The following PPP1R1C variants were observed in gnomAD, a reference collection of about 807,000 sequenced individuals.
The protein encoded by PPP1R1C is protein phosphatase 1 regulatory subunit 1C.
Under a neutral mutation model 17.4 loss-of-function variants are expected in PPP1R1C, and 15 were observed. That is an observed-to-expected ratio of 0.86 (90% CI 0.58 to 1.33). The LOEUF (loss-of-function observed/expected upper bound fraction) is 1.33, where lower values mean the gene tolerates loss of function less well. Ranked by LOEUF, PPP1R1C falls within the 40% of genes most tolerant of loss-of-function variation. PPP1R1C has a pLI of 0.00. For synonymous variants in PPP1R1C, 35 were observed against 43.1 expected (o/e 0.81, Z 0.73); for missense variants, 143 against 130.0 (o/e 1.10, Z -0.48).
chr2:182,040,770 G>T (rs921041336), intron 2 of PPP1R1C, among the ~76,000 whole-genome samples: 5 of 152,134 alleles, frequency 3.3e-5, no homozygotes, highest in African/African-American at 1.2e-4. Flanking sequence ...TTATCTTATA[G>T]AATTTTTATG....
chr2:182,087,489 T>C (rs1156681134), intron 4 of PPP1R1C, among the ~76,000 whole-genome samples: 1 of 152,240 alleles, frequency 6.6e-6, no homozygotes, highest in Non-Finnish European at 1.5e-5. Flanking sequence ...ATTAATCACA[T>C]ATGATGCTTA....
intron 2 of PPP1R1C, among the ~76,000 whole-genome samples, chr2:182,001,698 C>T (rs949722341): frequency 6.6e-6 from 1 of 152,122 alleles, no homozygotes; most frequent in African/African-American, 2.4e-5. Flanking sequence ...AGCAACCCTC[C>T]AGTCAGTACT....
intron 5 of PPP1R1C, among the ~76,000 whole-genome samples, chr2:182,127,999 T>G (rs1689917056): frequency 6.6e-6 from 1 of 152,158 alleles, no homozygotes. Flanking sequence ...TATTATTAAC[T>G]GTTCTGTGCT....
At chr2:182,119,188 G>C (rs1467048957), downstream of PPP1R1C, among the ~76,000 whole-genome samples, 3 of 151,864 alleles carry the variant, frequency 2.0e-5, no homozygotes, top group Non-Finnish European at 4.4e-5. Flanking sequence ...AGTTTGCTGA[G>C]AATGATGGTT....
chr2:182,054,910 G>A (rs186703445), intron 2 of PPP1R1C, among the ~76,000 whole-genome samples: 88 of 151,866 alleles, frequency 5.8e-4, no homozygotes, highest in Middle Eastern at 6.8e-3. Flanking sequence ...ATCCACCTGC[G>A]TTGGCCTCCC....
At chr2:182,066,262 A>G (rs1189448086) in intron 4 of PPP1R1C, among the ~76,000 whole-genome samples, 2 of 152,142 alleles carry the variant, frequency 1.3e-5, no homozygotes, top group Admixed American at 6.6e-5. Context: ...AAACTAATAC[A>G]GTACTGTCAT....
At position 181,967,159 on chromosome 2, in the gene PPP1R1C, G is replaced by A. The variant is rs1357473639; in HGVS notation, n.112-8060G>A. Among the ~76,000 whole-genome samples the A allele has an allele frequency of 6.6e-6, 1 of 151,790 alleles. No individual in the cohort carries two copies. Among genetic ancestry groups the A allele is most frequent in the South Asian group, 2.1e-4 (1 of 4,810 alleles). Reference sequence around the variant, plus strand: ...TATTTGTTGTAATGTCTTCTTTTTTGTCTCTGATTTTATTTATTTGAGTCT... The same window carrying A: ...TATTTGTTGTAATGTCTTCTTTTTTATCTCTGATTTTATTTATTTGAGTCT... On this transcript the variant is annotated intron_variant and non_coding_transcript_variant, in intron 1 of 5. Transcript: ENST00000464264. This position sits in a 1 kb window ranked among gnomAD's most constrained non-coding sequence, Gnocchi z 5.5.
At chr2:182,014,606 A>G (rs893733802) in intron 2 of PPP1R1C, among the ~76,000 whole-genome samples, 2 of 152,018 alleles carry the variant, frequency 1.3e-5, no homozygotes, top group Non-Finnish European at 1.5e-5. Context: ...GAATCCAGCC[A>G]GGCTGATGTC....
intron 4 of PPP1R1C, among the ~76,000 whole-genome samples, chr2:182,067,506 TG>T (rs1688019519): frequency 6.6e-6 from 1 of 152,100 alleles, no homozygotes; most frequent in Admixed American, 6.6e-5. Context: ...GATCACCAAA[TG>T]AAACATGATC....
At chr2:182,039,683 C>A (rs927387522) in intron 2 of PPP1R1C, among the ~76,000 whole-genome samples, 4 of 152,170 alleles carry the variant, frequency 2.6e-5, no homozygotes, top group African/African-American at 9.7e-5. Context: ...CCACTCCTGG[C>A]ACAAGGGGTT....
At chr2:181,974,916 A>T (rs1685070073) in intron 1 of PPP1R1C, among the ~76,000 whole-genome samples, 1 of 152,174 alleles carries the variant, frequency 6.6e-6, no homozygotes, top group East Asian at 1.9e-4. Context: ...TCCTGTCTTC[A>T]ATCATTTGTA....
chr2:181,972,618 A>G (rs1326815704), intron 1 of PPP1R1C, among the ~76,000 whole-genome samples: 4 of 152,188 alleles, frequency 2.6e-5, no homozygotes, highest in Non-Finnish European at 5.9e-5. Flanking sequence ...CTAAGTAGCA[A>G]ACATAGGGTG....
At chr2:182,130,306 C>G (rs1323020163), downstream of PPP1R1C, 1 of 152,090 alleles carries the variant, frequency 6.6e-6, no homozygotes, top group Non-Finnish European at 1.5e-5. Flanking sequence ...TATGAAAAAG[C>G]ATAATCACCC....
intron 4 of PPP1R1C, among the ~76,000 whole-genome samples, chr2:182,076,763 T>G (rs563312748): frequency 9.8e-5 from 15 of 152,348 alleles, no homozygotes; most frequent in Non-Finnish European, 2.9e-5. Context: ...CTTATGCTAT[T>G]TTCTTCAACA....
intron 1 of PPP1R1C, among the ~76,000 whole-genome samples, chr2:181,971,265 G>A (rs371677089): frequency 2.6e-5 from 4 of 152,052 alleles, no homozygotes; most frequent in African/African-American, 7.2e-5. Flanking sequence ...CAGGCCCAAG[G>A]GCTCTTTAAT....
intron 4 of PPP1R1C, among the ~76,000 whole-genome samples, chr2:182,108,117 C>T (rs1464739353): frequency 6.6e-6 from 1 of 151,944 alleles, no homozygotes; most frequent in Non-Finnish European, 1.5e-5. Context: ...TGTTTGTTAT[C>T]TTGAATGTAG....
At chr2:181,959,466 TCA>T (rs1684728038) in intron 1 of PPP1R1C, among the ~76,000 whole-genome samples, 1 of 152,226 alleles carries the variant, frequency 6.6e-6, no homozygotes, top group Non-Finnish European at 1.5e-5. Context: ...GAGCAAAGTT[TCA>T]TGCTACATAA....
Position 181,998,704 on chromosome 2 carries a change from A to G in PPP1R1C, c.142+10805A>G, listed in dbSNP as rs571270212. 8.1e-4 allele frequency among the ~76,000 whole-genome samples: 124 copies of G among 152,364 alleles called. 1 individual carries two copies. Among genetic ancestry groups the G allele is most frequent in the Non-Finnish European group, 1.2e-3 (84 of 68,034 alleles). ...AACACAGGAACCTTGTTTATTTGCC[A>G]TAGAGAACTTCCTATTTAAAATAAT... On this transcript the variant is annotated intron_variant, in intron 2 of 4. Coordinates refer to ENST00000682840, the MANE Select transcript of PPP1R1C (RefSeq NM_001080545.3).
At chr2:182,064,492 G>T (rs114370553) in intron 4 of PPP1R1C, among the ~76,000 whole-genome samples, 151 of 152,156 alleles carry the variant, frequency 9.9e-4, no homozygotes, top group African/African-American at 3.6e-3. Flanking sequence ...CCCAGTGGCT[G>T]ATCATACTCA....
Sources: gnomAD v4.1 joint callset for allele counts (sites outside exome capture counted in the v4.1 genomes callset) on GRCh38, gnomAD v4.1.1 for gene constraint, Gnocchi (gnomAD v3.1) non-coding constraint, MANE v1.5 for transcripts, NCBI Gene and HGNC (gene_info 2026-07-23, HGNC 2026-07-21) for gene names.